Variants in MRTFA observed in about 807,000 individuals in gnomAD.
The protein encoded by MRTFA is myocardin-related transcription factor A.
Under a neutral mutation model 83.5 loss-of-function variants are expected in MRTFA, and 20 were observed. The ratio of observed to expected loss-of-function variants is 0.24; its 90% CI spans 0.17 to 0.35. The LOEUF is 0.35. MRTFA is among the 10% of genes least tolerant of loss of function. MRTFA has a pLI of 1.00. For missense variants in MRTFA, 1,200 were observed against 1,224.7 expected (o/e 0.98, Z 0.30); for synonymous variants, 659 against 541.2 (o/e 1.22, Z -3.02).
intron 1 of MRTFA, among the ~76,000 whole-genome samples, chr22:40,617,743 A>G (rs929972645): frequency 6.6e-5 from 10 of 152,020 alleles, no homozygotes; most frequent in Admixed American, 2.6e-4. Context: ...AAAAAAGAAA[A>G]AAAAAGAAAG....
chr22:40,636,181 G>A lies in MRTFA; in HGVS notation c.-84+297C>T, dbSNP rs369091052. ...ACATCCCGGGAGAAGCGAGGGCGAGGACCTCCGTGCCTCCCCGCCCCGCGC... is the reference window on the plus strand; with the variant it reads ...ACATCCCGGGAGAAGCGAGGGCGAGAACCTCCGTGCCTCCCCGCCCCGCGC... On this transcript the variant is annotated intron_variant, in intron 1 of 14. Transcript: ENST00000355630. Among the ~76,000 whole-genome samples, 45 of 152,284 alleles carry A rather than the reference G, an allele frequency of 3.0e-4. 1 individual carries two copies. In the South Asian group the frequency reaches 9.1e-3, roughly 31 times the overall value.
intron 2 of MRTFA, among the ~76,000 whole-genome samples, chr22:40,558,478 C>G (rs1227940349): frequency 6.6e-6 from 1 of 151,712 alleles, no homozygotes; most frequent in African/African-American, 2.4e-5. Flanking sequence ...AAACTTCTTC[C>G]TACTACTTTG....
At position 40,429,733 on chromosome 22, in the gene MRTFA, C is replaced by G. The variant is rs1456009071; in HGVS notation, c.474G>C (p.Gln158His). 1 of 1,613,908 alleles carries G rather than the reference C, an allele frequency of 6.2e-7. No individual in the cohort carries two copies. Among genetic ancestry groups the G allele is most frequent in the South Asian group, 1.1e-5 (1 of 91,068 alleles). ...CTAGTCTGGCTCTCTTCAGCTTCAG[C>G]TGCTTGGCCTGGAGGGATGGCTCAG... The change falls in exon 7 of 15, where the codon CAG (glutamine) becomes CAC (histidine). Residue 158 changes from glutamine (Q) to histidine (H), a missense_variant. Gln to His is a conservative substitution (Grantham distance 24). Around this residue, in one of 2 missense-constraint regions of MRTFA, gnomAD observed 93 missense variants for 182.9 expected, o/e 0.51. Coordinates refer to ENST00000355630, the MANE Select transcript of MRTFA (RefSeq NM_020831.6).
chr22:40,420,238 G>A (rs2052799774), intron 11 of MRTFA, among the ~76,000 whole-genome samples, 167 bp downstream of exon 11: 1 of 152,250 alleles, frequency 6.6e-6, no homozygotes, highest in South Asian at 2.1e-4. Flanking sequence ...TCAGAGCTGT[G>A]TCCAAGGTGC....
intron 3 of MRTFA, among the ~76,000 whole-genome samples, chr22:40,483,735 G>A (rs954535056): frequency 8.6e-5 from 13 of 151,700 alleles, no homozygotes; most frequent in African/African-American, 2.7e-4. Context: ...TCATTCTGTC[G>A]CCAGGATGGA....
rs192028083 is a variant in MRTFA, at chr22:40,577,394, G to A, written c.-22+17280C>T. ...AAAGCACAACTTTAAAGGATGTTAT[G>A]TACATAATAGACATTAACCATTTTA... is the stretch of plus-strand genomic sequence containing the variant. On this transcript the variant is annotated intron_variant, in intron 2 of 14. Coordinates refer to ENST00000355630, the MANE Select transcript of MRTFA (RefSeq NM_020831.6). 3.3e-5 allele frequency among the ~76,000 whole-genome samples: 5 copies of A among 151,964 alleles called. No individual in the cohort carries two copies. In the East Asian group the frequency reaches 9.7e-4, roughly 29 times the overall value.
At chr22:40,418,072 C>T (rs1049508086) in intron 12 of MRTFA, among the ~76,000 whole-genome samples, 7 of 152,150 alleles carry the variant, frequency 4.6e-5, no homozygotes, top group African/African-American at 1.2e-4. Context: ...CACAGAGCAG[C>T]ACTAGGGCAG....
In MRTFA at chr22:40,636,267, C is replaced by G. The variant is rs541335659; in HGVS notation, c.-84+211G>C. On this transcript the variant is annotated intron_variant, in intron 1 of 14. Coordinates refer to ENST00000355630, the MANE Select transcript of MRTFA (RefSeq NM_020831.6). ...CCGCGCCCGCCCGCCCGGCCCGGCC[C>G]GGGTCCCAGCCCCGGCACAGTGACC... Among the ~76,000 whole-genome samples the G allele has an allele frequency of 3.3e-5, 5 of 152,248 alleles. No individual in the cohort carries two copies. In the South Asian group the frequency reaches 8.3e-4, roughly 25 times the overall value.
intron 3 of MRTFA, among the ~76,000 whole-genome samples, chr22:40,481,708 T>C (rs1375862410): frequency 6.6e-6 from 1 of 151,888 alleles, no homozygotes; most frequent in African/African-American, 2.4e-5. Context: ...ACATAAGAAA[T>C]TGCAAGTGCA....
chr22:40,453,894 G>C (rs1050836871), intron 4 of MRTFA, among the ~76,000 whole-genome samples: 4 of 152,100 alleles, frequency 2.6e-5, no homozygotes, highest in Admixed American at 2.6e-4. Flanking sequence ...ACAGCCACTT[G>C]TTTGTTTGCT....
intron 3 of MRTFA, among the ~76,000 whole-genome samples, chr22:40,509,554 CAA>C (rs2054633814): frequency 1.3e-5 from 2 of 152,178 alleles, no homozygotes; most frequent in South Asian, 4.1e-4. Flanking sequence ...TCCAGCTGGT[CAA>C]AGTTTTCTGA....
chr22:40,566,788 A>G (rs2055710667), intron 2 of MRTFA, among the ~76,000 whole-genome samples: 1 of 152,196 alleles, frequency 6.6e-6, no homozygotes. Context: ...AGCCGACATC[A>G]CACCACTGCA....
rs3044561 is a variant in MRTFA at position 40,582,665 on chromosome 22, T to TACAC, written c.-22+12005_-22+12008dup. Among the ~76,000 whole-genome samples the TACAC allele has an allele frequency of 5.8e-3, 831 of 143,118 alleles. 2 individuals are homozygous for TACAC. Among genetic ancestry groups the TACAC allele is most frequent in the African/African-American group, 0.018 (703 of 39,418 alleles). The allele number at this position is 143,118 out of a possible 152,430, so 93.9% of individuals were successfully genotyped here. On this transcript the variant is annotated intron_variant, in intron 2 of 14. Coordinates refer to ENST00000355630, the MANE Select transcript of MRTFA (RefSeq NM_020831.6). ...CGAAGGTTTTAACTTTATACACACA[T>TACAC]ACACACACACACACACACACACACA...
At chr22:40,412,119 G>C in intron 14 of MRTFA, 1 of 407,184 alleles carries the variant, frequency 2.5e-6, no homozygotes, top group Admixed American at 4.5e-5. Flanking sequence ...GGAATACACA[G>C]AGAACTTCTA....
At chr22:40,500,748 T>C (rs1239559139) in intron 3 of MRTFA, among the ~76,000 whole-genome samples, 6 of 149,966 alleles carry the variant, frequency 4.0e-5, no homozygotes, top group Non-Finnish European at 7.5e-5. Context: ...GGCAGAGGAA[T>C]TTTTCTTAGT....
chr22:40,610,783 C>A (rs1367358889), intron 1 of MRTFA, among the ~76,000 whole-genome samples: 2 of 148,748 alleles, frequency 1.3e-5, no homozygotes, highest in Non-Finnish European at 3.0e-5. Flanking sequence ...GACACTATGA[C>A]ATAAATAGGG....
intron 2 of MRTFA, among the ~76,000 whole-genome samples, chr22:40,591,271 C>T (rs1332267363): frequency 1.4e-5 from 2 of 147,728 alleles, no homozygotes; most frequent in Non-Finnish European, 3.0e-5. Flanking sequence ...AGCGAGACTC[C>T]GTCTCAAAAA....
intron 3 of MRTFA, among the ~76,000 whole-genome samples, chr22:40,486,832 G>T (rs1203012304): frequency 6.6e-6 from 1 of 152,136 alleles, no homozygotes; most frequent in Non-Finnish European, 1.5e-5. Context: ...AATTAGCTGG[G>T]CATGGTGGCA....
At chr22:40,615,594 C>G (rs2056438958) in intron 1 of MRTFA, among the ~76,000 whole-genome samples, 1 of 152,076 alleles carries the variant, frequency 6.6e-6, no homozygotes, top group African/African-American at 2.4e-5. Flanking sequence ...TCAAATCATG[C>G]AGATGGTATA....
Sources: gnomAD v4.1 joint callset for allele counts (sites outside exome capture counted in the v4.1 genomes callset) on GRCh38, gnomAD v4.1.1 for gene constraint, gnomAD v4.1.1 regional missense constraint, MANE v1.5 for transcripts, NCBI Gene and HGNC (gene_info 2026-07-23, HGNC 2026-07-21) for gene names.